The following OSBPL9 variants were observed in gnomAD, a reference collection of about 807,000 sequenced individuals.
OSBPL9 encodes oxysterol-binding protein-related protein 9.
In OSBPL9, 40 loss-of-function variants were observed where a neutral mutation model predicts 106.6. The ratio of observed to expected loss-of-function variants is 0.38; its 90% CI spans 0.29 to 0.49. The LOEUF (loss-of-function observed/expected upper bound fraction) is 0.49. OSBPL9 is among the 20% of genes least tolerant of loss of function. The pLI, the probability that OSBPL9 is intolerant of heterozygous loss-of-function variation, is 0.97. For missense variants in OSBPL9, 609 were observed against 887.2 expected, an observed-to-expected ratio of 0.69 and a Z score of 3.98; for synonymous variants, 269 against 295.4, an observed-to-expected ratio of 0.91 and a Z score of 0.92.
chr1:51,606,004 A>T (rs1172675499), intron 2 of OSBPL9, among the ~76,000 whole-genome samples: 4 of 151,540 alleles, frequency 2.6e-5, no homozygotes, highest in Non-Finnish European at 1.5e-5. Context: ...AGAGAGAGAG[A>T]GAGAAAGAAA....
At chr1:51,658,197 T>A (rs1041691586) in intron 2 of OSBPL9, among the ~76,000 whole-genome samples, 1 of 152,100 alleles carries the variant, frequency 6.6e-6, no homozygotes, top group African/African-American at 2.4e-5. Flanking sequence ...TCTGCCACAT[T>A]CTGGCGTTGT....
intron 4 of OSBPL9, among the ~76,000 whole-genome samples, chr1:51,732,040 G>A (rs955670958): frequency 6.6e-6 from 1 of 152,152 alleles, no homozygotes; most frequent in East Asian, 1.9e-4. Flanking sequence ...GTTTTTTAAT[G>A]TGAAAAGATT....
At chr1:51,703,918 GT>G (rs1657862056) in intron 3 of OSBPL9, among the ~76,000 whole-genome samples, 1 of 152,306 alleles carries the variant, frequency 6.6e-6, no homozygotes, top group African/African-American at 2.4e-5. Context: ...CGTTGGTTCT[GT>G]TTATATGCTG....
intron 2 of OSBPL9, among the ~76,000 whole-genome samples, chr1:51,661,419 GA>G (rs201894282): frequency 1.3e-5 from 2 of 151,786 alleles, no homozygotes; most frequent in Admixed American, 6.6e-5. Flanking sequence ...TGTGTGTATA[GA>G]AAAAAAACGA....
intron 2 of OSBPL9, among the ~76,000 whole-genome samples, chr1:51,666,113 G>T (rs1340507506): frequency 6.6e-6 from 1 of 152,156 alleles, no homozygotes; most frequent in Admixed American, 6.5e-5. Context: ...CTCCCAAAGG[G>T]CTAGGATTAC....
At position 51,772,862 on chromosome 1, in the gene OSBPL9, G is replaced by A; in HGVS notation, c.1170+139G>A. 4.4e-6 allele frequency: 3 copies of A among 688,310 alleles called. No homozygotes were observed. In the Admixed American group the frequency reaches 6.7e-5, roughly 15 times the overall value. 42.6% of individuals were successfully genotyped at this position (688,310 alleles called of 1,614,324 possible). On this transcript the variant is annotated intron_variant, in intron 14 of 23. Coordinates refer to ENST00000428468, the MANE Select transcript of OSBPL9 (RefSeq NM_024586.6). ...CTTCTTGTGATTTAATATAGATGTA[G>A]ATAAGTAAACAAAATTTTATAAATG...
chr1:51,585,160 T>G (rs1570530953), intron 1 of OSBPL9, among the ~76,000 whole-genome samples: 1 of 120,428 alleles, frequency 8.3e-6, no homozygotes, highest in Admixed American at 1.0e-4. Context: ...GGTGACAGAG[T>G]GAGGCCCCAT....
chr1:51,732,110 G>A lies in OSBPL9; in HGVS notation c.319-13426G>A, dbSNP rs188721206. Among the ~76,000 whole-genome samples, 18 of 152,314 alleles carry A rather than the reference G, an allele frequency of 1.2e-4. No homozygotes were observed. In the East Asian group the frequency reaches 3.5e-3, roughly 29 times the overall value. ...ATCTCTGTTGATATTAAGATTAGTA[G>A]GGAATTTAACTGTAAGTTTGGTTCA... is the stretch of plus-strand genomic sequence containing the variant. On this transcript the variant is annotated intron_variant, in intron 4 of 23. Coordinates refer to ENST00000428468, the MANE Select transcript of OSBPL9 (RefSeq NM_024586.6).
intron 8 of OSBPL9, 27 bp from the exon 9 acceptor site, chr1:51,756,293 T>C: frequency 6.3e-7 from 1 of 1,597,554 alleles, no homozygotes. Context: ...AAGAATGAAG[T>C]TAATATTTTT....
rs539930200 is a variant in OSBPL9 at position 51,636,136 on chromosome 1, T to A, written c.112-15855T>A. ...CTTTCTAAAATCAATCCTTCCTTCC[T>A]TCCTCTCTCTCTCTTGTTTTTTTTT... On this transcript the variant is annotated intron_variant, in intron 1 of 23. Transcript: ENST00000428468. 1.5e-4 allele frequency among the ~76,000 whole-genome samples: 23 copies of A among 148,978 alleles called. No individual in the cohort carries two copies. In the East Asian group the frequency reaches 4.3e-3, roughly 28 times the overall value.
intron 3 of OSBPL9, among the ~76,000 whole-genome samples, chr1:51,685,738 A>T (rs115464600): frequency 5.3e-4 from 81 of 152,050 alleles, no homozygotes; most frequent in Middle Eastern, 3.4e-3. Flanking sequence ...TCCTCCATTA[A>T]CCTCTTACAA....
the OSBPL9 span, among the ~76,000 whole-genome samples, chr1:51,520,857 C>T: frequency 1.3e-5 from 2 of 152,262 alleles, no homozygotes; most frequent in Non-Finnish European, 2.9e-5. Context: ...TGGTGAGTAA[C>T]CACTTATTCA....
the OSBPL9 span, among the ~76,000 whole-genome samples, chr1:51,524,961 C>T: frequency 6.6e-6 from 1 of 152,192 alleles, no homozygotes; most frequent in Non-Finnish European, 1.5e-5. Flanking sequence ...AATGCTGAGA[C>T]ATCATCAAAT....
At chr1:51,673,213 C>G (rs892899638) in intron 3 of OSBPL9, among the ~76,000 whole-genome samples, 3 of 152,172 alleles carry the variant, frequency 2.0e-5, no homozygotes, top group Admixed American at 6.5e-5. Context: ...GAAGGATCAG[C>G]AACTATGTCA....
At chr1:51,721,656 A>G (rs1395603677) in intron 4 of OSBPL9, among the ~76,000 whole-genome samples, 2 of 152,212 alleles carry the variant, frequency 1.3e-5, no homozygotes, top group Non-Finnish European at 2.9e-5. Context: ...TAGCTTTTTG[A>G]GCATCCATTT....
the OSBPL9 span, among the ~76,000 whole-genome samples, chr1:51,571,932 A>G: frequency 3.9e-4 from 60 of 152,298 alleles, no homozygotes; most frequent in African/African-American, 1.4e-3. Flanking sequence ...TGAGTGGGAT[A>G]CAATGTGAGG....
At chr1:51,573,283 C>T (rs1377850317), upstream of OSBPL9, among the ~76,000 whole-genome samples, 1 of 151,008 alleles carries the variant, frequency 6.6e-6, no homozygotes, top group Non-Finnish European at 1.5e-5. Flanking sequence ...CAGAGGCAGA[C>T]AGATCACCTG....
chr1:51,674,003 C>CTCCT (rs1218191183), intron 3 of OSBPL9, among the ~76,000 whole-genome samples: 304 of 149,780 alleles, frequency 2.0e-3, no homozygotes, highest in African/African-American at 7.0e-3. Flanking sequence ...ATGTTGTCAA[C>CTCCT]TCCTTCCTTC....
chr1:51,559,079 G>A, the OSBPL9 span, among the ~76,000 whole-genome samples: 1 of 152,202 alleles, frequency 6.6e-6, no homozygotes, highest in Non-Finnish European at 1.5e-5. Context: ...GGAGGGGTCA[G>A]GGATTAGGCA....
Sources: gnomAD v4.1 joint callset for allele counts (sites outside exome capture counted in the v4.1 genomes callset) on GRCh38, gnomAD v4.1.1 for gene constraint, MANE v1.5 for transcripts, NCBI Gene and HGNC (gene_info 2026-07-23, HGNC 2026-07-21) for gene names.